The following FNBP1 variants were observed in gnomAD, a reference collection of about 807,000 sequenced individuals.
FNBP1 encodes the protein formin-binding protein 1.
In FNBP1, 26 loss-of-function variants were observed where a neutral mutation model predicts 90.6. That is an observed-to-expected ratio of 0.29 (90% confidence interval 0.21 to 0.40). The LOEUF (loss-of-function observed/expected upper bound fraction) is 0.40, where lower values mean the gene tolerates loss of function less well. Ranked by LOEUF, FNBP1 falls within the 10% of genes least tolerant of loss-of-function variation. FNBP1 has a pLI of 1.00. For synonymous variants in FNBP1, 260 were observed against 265.2 expected (o/e 0.98, Z 0.19); for missense variants, 635 against 768.0 (o/e 0.83, Z 2.05).
At chr9:129,933,062 G>C (rs2042988941) in intron 6 of FNBP1, among the ~76,000 whole-genome samples, 1 of 152,086 alleles carries the variant, frequency 6.6e-6, no homozygotes, top group South Asian at 2.1e-4. Flanking sequence ...TCCAGTGGGG[G>C]ATTTCTTCAT....
chr9:130,015,217 G>C (rs1289416295), intron 1 of FNBP1, among the ~76,000 whole-genome samples: 1 of 152,018 alleles, frequency 6.6e-6, no homozygotes, highest in Non-Finnish European at 1.5e-5. Context: ...TAGAAACTGA[G>C]GGCCTAGCAG....
chr9:130,031,219 A>G lies in FNBP1; in HGVS notation c.24+11733T>C, dbSNP rs2132149451. On this transcript the variant is annotated intron_variant, in intron 1 of 16. Transcript: ENST00000446176. This position sits in a 1 kb window ranked among gnomAD's most constrained non-coding sequence, Gnocchi z 4.2. Reference sequence around the variant, plus strand: ...GCTCTCTACTGAAACCCACTCCAGTAATCCAGTCAGCCAATCGGCCCAGCG... The same window carrying G: ...GCTCTCTACTGAAACCCACTCCAGTGATCCAGTCAGCCAATCGGCCCAGCG... Among the ~76,000 whole-genome samples the G allele has an allele frequency of 1.3e-5, 2 of 152,366 alleles. No homozygotes were observed. Among genetic ancestry groups the G allele is most frequent in the Non-Finnish European group, 2.9e-5 (2 of 68,034 alleles).
chr9:130,036,384 CAT>C (rs1191181161), intron 1 of FNBP1, among the ~76,000 whole-genome samples: 1 of 152,154 alleles, frequency 6.6e-6, no homozygotes, highest in Non-Finnish European at 1.5e-5. Context: ...AATGTGTTCA[CAT>C]AGTAAGTATA....
At position 129,957,181 on chromosome 9, in the gene FNBP1, G is replaced by T. The variant is rs10125004; in HGVS notation, c.513+179C>A. Among the ~76,000 whole-genome samples the T allele has an allele frequency of 0.11, 17,061 of 151,904 alleles. 1,099 individuals carry two copies. The highest frequency in any genetic ancestry group is 0.14 in the Non-Finnish European group (9,642 of 67,952). On this transcript the variant is annotated intron_variant, in intron 6 of 16. Coordinates refer to ENST00000446176, the MANE Select transcript of FNBP1 (RefSeq NM_015033.3). The surrounding 1 kb of genome is among the most constrained non-coding windows in gnomAD (Gnocchi z 4.3). ...GCCTCCCTAGTAGTTGGGATTATAG[G>T]TGCCTGCCACTGCACTCAGCTAATT... is the stretch of plus-strand genomic sequence containing the variant.
Position 129,927,269 on chromosome 9 carries a change from G to C in FNBP1, c.715C>G (p.Arg239Gly). The C allele has an allele frequency of 6.2e-7, 1 of 1,613,196 alleles. No homozygotes were observed. Among genetic ancestry groups the C allele is most frequent in the Non-Finnish European group, 8.5e-7 (1 of 1,179,270 alleles). Residue 239 changes from arginine (R) to glycine (G), a missense_variant, in exon 8 of 17, where the codon CGG becomes GGG. Physicochemically the swap from Arg to Gly is moderately radical, Grantham distance 125. Transcript: ENST00000446176. ...ESMKTYAEVD[R>G]QVIPIIGKCL... The stretch of plus-strand genomic sequence containing the variant: ...TTCCCAATGATTGGGATCACCTGCC[G>C]ATCAACCTCTGCATATGTCTTCATG...
rs2048639383 is a variant in FNBP1 at position 129,966,357 on chromosome 9, G to C, written c.346-7804C>G. Among the ~76,000 whole-genome samples the C allele has an allele frequency of 6.6e-6, 1 of 152,164 alleles. No individual in the cohort carries two copies. ...CAGTGCCACTAGACCAAGGTAAAGG[G>C]CACAGGGACGGAGGGCAGGCAGGGG... On this transcript the variant is annotated intron_variant, in intron 4 of 16. Transcript: ENST00000446176. The surrounding 1 kb of genome is among the most constrained non-coding windows in gnomAD (Gnocchi z 4.3).
intron 4 of FNBP1, among the ~76,000 whole-genome samples, chr9:129,965,558 A>G (rs1390595600): frequency 6.6e-6 from 1 of 152,028 alleles, no homozygotes; most frequent in Non-Finnish European, 1.5e-5. Flanking sequence ...CTGTCTTCAC[A>G]TTCCTTGAAA....
Position 129,957,125 on chromosome 9 carries a change from C to T in FNBP1, c.513+235G>A, listed in dbSNP as rs1294132072. Reference sequence around the variant, plus strand: ...TGATCTTGGCTCACTGCAGCCAACGCCTCCTGGGCTCAAGCGATTCTCCTG... The same window carrying T: ...TGATCTTGGCTCACTGCAGCCAACGTCTCCTGGGCTCAAGCGATTCTCCTG... On this transcript the variant is annotated intron_variant, in intron 6 of 16. Transcript: ENST00000446176. This position sits in a 1 kb window ranked among gnomAD's most constrained non-coding sequence, Gnocchi z 4.3. Among the ~76,000 whole-genome samples the T allele has an allele frequency of 6.6e-6, 1 of 151,344 alleles. No homozygotes were observed. The highest frequency in any genetic ancestry group is 2.4e-5 in the African/African-American group (1 of 41,104).
At chr9:130,035,421 G>C (rs933874074) in intron 1 of FNBP1, among the ~76,000 whole-genome samples, 6 of 151,792 alleles carry the variant, frequency 4.0e-5, no homozygotes, top group Non-Finnish European at 7.4e-5. Flanking sequence ...GGTCTGCATC[G>C]TGATCTGATG....
intron 1 of FNBP1, among the ~76,000 whole-genome samples, chr9:130,026,949 G>C (rs1284961794): frequency 6.8e-6 from 1 of 147,016 alleles, no homozygotes; most frequent in Non-Finnish European, 1.5e-5. Context: ...CTGGGCAACA[G>C]AGCCAGACCC....
Position 129,890,532 on chromosome 9 carries a change from C to T in FNBP1, c.*7G>A, listed in dbSNP as rs1447027418. 1.3e-6 allele frequency: 2 copies of T among 1,585,514 alleles called. No individual in the cohort carries two copies. The highest frequency in any genetic ancestry group is 1.7e-6 in the Non-Finnish European group (2 of 1,166,704). On this transcript the variant is annotated 3_prime_UTR_variant, in exon 17 of 17. Transcript: ENST00000446176. This position sits in a 1 kb window ranked among gnomAD's most constrained non-coding sequence, Gnocchi z 5.8. ...AAGGCTCACCCGAGGCTCGCAGGCA[C>T]TCCCCTCTAGGAATCTACAACACAA...
At chr9:130,036,470 A>C (rs2059322233) in intron 1 of FNBP1, among the ~76,000 whole-genome samples, 1 of 152,220 alleles carries the variant, frequency 6.6e-6, no homozygotes, top group South Asian at 2.1e-4. Flanking sequence ...ACAAATTTTC[A>C]GGATTCTGTC....
Position 130,040,587 on chromosome 9 carries a change from C to T in FNBP1, c.24+2365G>A, listed in dbSNP as rs144974748. On this transcript the variant is annotated intron_variant, in intron 1 of 16. Transcript: ENST00000446176. ...AGTGAGCCGAGATCACGCCACTGCA[C>T]GCCAGCCTGGGCAGGCAACAGAGCA... 1.4e-3 allele frequency among the ~76,000 whole-genome samples: 211 copies of T among 150,316 alleles called. 1 individual carries two copies. The highest frequency in any genetic ancestry group is 4.8e-3 in the African/African-American group (196 of 40,670).
In FNBP1 at chr9:129,970,849, G is replaced by C. The variant is rs185719562; in HGVS notation, c.345+7616C>G. Reference sequence around the variant, plus strand: ...AACCTAAACTGCTAAGTTCTTGCAGGGGAGAAAGGTTCTCTTTTTAGTGAA... The same window carrying C: ...AACCTAAACTGCTAAGTTCTTGCAGCGGAGAAAGGTTCTCTTTTTAGTGAA... On this transcript the variant is annotated intron_variant, in intron 4 of 16. Coordinates refer to ENST00000446176, the MANE Select transcript of FNBP1 (RefSeq NM_015033.3). 4.3e-3 allele frequency among the ~76,000 whole-genome samples: 661 copies of C among 152,172 alleles called. 4 individuals carry two copies. Among genetic ancestry groups the C allele is most frequent in the Non-Finnish European group, 6.5e-3 (442 of 68,002 alleles).
At chr9:130,020,796 AAAAGCTGCC>A (rs2057752864) in intron 1 of FNBP1, among the ~76,000 whole-genome samples, 1 of 152,140 alleles carries the variant, frequency 6.6e-6, no homozygotes. Flanking sequence ...GAGAACTTTG[AAAAGCTGCC>A]ATTTTTCTCA....
At chr9:129,991,950 C>T (rs986964824) in intron 2 of FNBP1, among the ~76,000 whole-genome samples, 2 of 152,180 alleles carry the variant, frequency 1.3e-5, no homozygotes, top group African/African-American at 4.8e-5. Flanking sequence ...TAAGCCACCG[C>T]GCCCAGCCAA....
At chr9:129,907,221 G>C (rs2528) in intron 12 of FNBP1, among the ~76,000 whole-genome samples, 123,393 of 152,122 alleles carry the variant, frequency 0.81, 50,254 homozygotes, top group East Asian at 0.9. Context: ...TAAGTTAGAT[G>C]TGTCTTTTGT....
intron 1 of FNBP1, among the ~76,000 whole-genome samples, chr9:130,016,858 A>C (rs1398680495): frequency 6.6e-6 from 1 of 152,190 alleles, no homozygotes; most frequent in Non-Finnish European, 1.5e-5. Context: ...TACGTAGTTT[A>C]TTATGTTGGG....
chr9:129,963,616 C>CTTT (rs35213636), intron 4 of FNBP1, among the ~76,000 whole-genome samples: 47 of 115,296 alleles, frequency 4.1e-4, no homozygotes, highest in Admixed American at 4.1e-4. Flanking sequence ...TCCTTCCAGC[C>CTTT]TTTTTTTTTT....
Sources: allele counts gnomAD v4.1 joint callset (sites outside exome capture counted in the v4.1 genomes callset), GRCh38; gene constraint gnomAD v4.1.1; non-coding constraint Gnocchi (gnomAD v3.1); transcripts MANE v1.5; gene names NCBI Gene and HGNC (gene_info 2026-07-23, HGNC 2026-07-21).